Variants in NUDT9 observed in about 807,000 individuals in gnomAD.
NUDT9 encodes nudix hydrolase 9.
In NUDT9, 31 loss-of-function variants were observed where a neutral mutation model predicts 41.0. The ratio of observed to expected loss-of-function variants is 0.76; its 90% CI spans 0.57 to 1.02. The LOEUF (loss-of-function observed/expected upper bound fraction) is 1.02. Among genes scored for constraint, NUDT9 ranks in the 50% least tolerant of loss-of-function variants. The probability of loss-of-function intolerance (pLI) is 0.00; values close to 1 mark genes in which losing one functional copy is unlikely to be tolerated. For missense variants in NUDT9, 380 were observed against 431.4 expected, an observed-to-expected ratio of 0.88 and a Z score of 1.06; for synonymous variants, 146 against 147.6, an observed-to-expected ratio of 0.99 and a Z score of 0.08.
Position 87,451,650 on chromosome 4 carries a change from C to T in NUDT9, c.704C>T (p.Ala235Val). 6.2e-7 allele frequency: 1 copy of T among 1,613,532 alleles called. No individual in the cohort carries two copies. Among genetic ancestry groups the T allele is most frequent in the Non-Finnish European group, 8.5e-7 (1 of 1,179,552 alleles). ...CTGAAAAGAGAATTTGGTGAGGAAG[C>T]TCTCAACTCCTTACAGAAAACCAGT... is the stretch of plus-strand genomic sequence containing the variant. ...ATLKREFGEE[A>V]LNSLQKTSAE... Residue 235 changes from alanine (A) to valine (V), a missense_variant, in exon 6 of 8, where the codon GCT (alanine) becomes GTT (valine). Transcript: ENST00000302174.
chr4:87,441,385 TAAA>T (rs1722195050), intron 3 of NUDT9, among the ~76,000 whole-genome samples: 1 of 152,152 alleles, frequency 6.6e-6, no homozygotes, highest in Admixed American at 6.5e-5. Context: ...TTATTGATAA[TAAA>T]AATCCAGAAA....
chr4:87,453,465 C>CT (rs1325608805), intron 6 of NUDT9, among the ~76,000 whole-genome samples: 1 of 151,762 alleles, frequency 6.6e-6, no homozygotes, highest in Non-Finnish European at 1.5e-5. Flanking sequence ...GTGTCTGGCT[C>CT]TGTCACCAGG....
chr4:87,450,096 C>T (rs1254501234), intron 5 of NUDT9, among the ~76,000 whole-genome samples: 1 of 152,118 alleles, frequency 6.6e-6, no homozygotes, highest in African/African-American at 2.4e-5. Context: ...CTCCTGGCCT[C>T]AAGCAATCTG....
In NUDT9 at chr4:87,459,315, T is replaced by C. The variant is rs558334329; in HGVS notation, c.*1294T>C. 22 of 152,114 alleles carry C rather than the reference T, an allele frequency of 1.4e-4. No homozygotes were observed. In the East Asian group the frequency reaches 3.7e-3, roughly 25 times the overall value. 9.4% of individuals were successfully genotyped at this position (152,114 alleles called of 1,614,324 possible). ...GGAGGAGGGAGAGGATCAGGAAAAA[T>C]AACTAATGAGTACTAGGCTTAATAC... On this transcript the variant is annotated 3_prime_UTR_variant, in exon 8 of 8. Coordinates refer to ENST00000302174, the MANE Select transcript of NUDT9 (RefSeq NM_024047.5).
At chr4:87,432,131 G>A (rs550331078) in intron 1 of NUDT9, among the ~76,000 whole-genome samples, 61 of 152,324 alleles carry the variant, frequency 4.0e-4, no homozygotes, top group Middle Eastern at 3.4e-3. Flanking sequence ...AATACAGGTT[G>A]AGTATCCCTT....
intron 1 of NUDT9, among the ~76,000 whole-genome samples, chr4:87,429,974 C>CTG (rs1309848557): frequency 6.6e-6 from 1 of 152,224 alleles, no homozygotes; most frequent in East Asian, 1.9e-4. Flanking sequence ...TACCTGGAAC[C>CTG]TGTGTATATG....
chr4:87,431,345 G>A (rs550758649), intron 1 of NUDT9, among the ~76,000 whole-genome samples: 11 of 152,300 alleles, frequency 7.2e-5, no homozygotes, highest in African/African-American at 1.9e-4. Flanking sequence ...TGTGTAGTAA[G>A]TGTGAGACCT....
chr4:87,449,317 T>G, intron 5 of NUDT9, 64 bp downstream of exon 5: 1 of 857,190 alleles, frequency 1.2e-6, no homozygotes, highest in Admixed American at 1.9e-5. Context: ...TACAGGGTTA[T>G]TGTTTGTGAA....
At position 87,422,965 on chromosome 4, in the gene NUDT9, C is replaced by G. The variant is rs200633146; in HGVS notation, c.60C>G (p.Ala20=). 2.5e-6 allele frequency: 4 copies of G among 1,613,220 alleles called. No homozygotes were observed. The East Asian group carries it at 8.9e-5, about 36-fold the overall frequency. The part of the protein sequence containing the change: ...LAAVSLSLAL[A]SVTIRSSRCR... Reference sequence around the variant, plus strand: ...CGGTGTCTCTCTCTCTGGCCTTGGCCTCTGTGACTATCAGGTCCTCGCGCT... The same window carrying G: ...CGGTGTCTCTCTCTCTGGCCTTGGCGTCTGTGACTATCAGGTCCTCGCGCT... The change falls in exon 1 of 8, where the codon GCC becomes GCG. Residue 20 remains alanine (A), a synonymous_variant. Transcript: ENST00000302174.
At chr4:87,437,715 A>G (rs1490141897) in intron 2 of NUDT9, among the ~76,000 whole-genome samples, 1 of 152,162 alleles carries the variant, frequency 6.6e-6, no homozygotes, top group Non-Finnish European at 1.5e-5. Flanking sequence ...TCTGTAAACC[A>G]CTGCCCAGAT....
At chr4:87,452,966 C>T (rs1186868309) in intron 6 of NUDT9, among the ~76,000 whole-genome samples, 1 of 151,966 alleles carries the variant, frequency 6.6e-6, no homozygotes, top group Non-Finnish European at 1.5e-5. Flanking sequence ...CATGTGCCAC[C>T]ATGCCTGACT....
At chr4:87,442,725 A>G (rs993214123) in intron 4 of NUDT9, among the ~76,000 whole-genome samples, 20 of 152,326 alleles carry the variant, frequency 1.3e-4, no homozygotes, top group African/African-American at 4.6e-4. Flanking sequence ...CTGTTTGTTA[A>G]AAACTAAGAC....
chr4:87,431,898 C>T (rs947191646), intron 1 of NUDT9, among the ~76,000 whole-genome samples: 3 of 152,150 alleles, frequency 2.0e-5, no homozygotes, highest in Non-Finnish European at 2.9e-5. Flanking sequence ...GTTGGCCGGG[C>T]TGGTCTTGAA....
At chr4:87,447,678 A>G (rs4324526) in intron 4 of NUDT9, among the ~76,000 whole-genome samples, 51,444 of 152,008 alleles carry the variant, frequency 0.34, 9,140 homozygotes, top group East Asian at 0.47. Context: ...ACCCATAAGC[A>G]ATTCAATTTA....
intron 3 of NUDT9, among the ~76,000 whole-genome samples, chr4:87,441,109 G>T (rs539214323): frequency 8.5e-5 from 13 of 152,186 alleles, no homozygotes; most frequent in Non-Finnish European, 1.8e-4. Context: ...CTTTCATATA[G>T]TGGGAGGGCA....
intron 1 of NUDT9, among the ~76,000 whole-genome samples, chr4:87,432,812 A>G (rs968680595): frequency 5.3e-5 from 8 of 150,576 alleles, no homozygotes; most frequent in African/African-American, 1.9e-4. Flanking sequence ...ATGTTGATTG[A>G]TTTTCATTAT....
At position 87,435,143 on chromosome 4, in the gene NUDT9, G is replaced by A. The variant is rs1356139035; in HGVS notation, c.270G>A (p.Glu90=). 1 of 1,614,216 alleles carries A rather than the reference G, an allele frequency of 6.2e-7. No homozygotes were observed. Residue 90 remains glutamate, a synonymous_variant, in exon 2 of 8, where the codon GAG becomes GAA. Coordinates refer to ENST00000302174, the MANE Select transcript of NUDT9 (RefSeq NM_024047.5). The part of the protein sequence containing the change: ...VPNEKVGWLV[E]WQDYKPVEYT... ...ATGAGAAAGTGGGCTGGCTTGTTGA[G>A]TGGCAAGACTATAAGCCTGTGGAAT... is the stretch of plus-strand genomic sequence containing the variant.
chr4:87,457,854 G>T lies in NUDT9; in HGVS notation c.886G>T (p.Asp296Tyr). Residue 296 changes from aspartate to tyrosine, a missense_variant, in exon 8 of 8, where the codon GAT becomes TAT. Asp to Tyr is a radical substitution (Grantham distance 160). Coordinates refer to ENST00000302174, the MANE Select transcript of NUDT9 (RefSeq NM_024047.5). ...NYHDETGEIM[D>Y]NLMLEAGDDA... ...TCTTTGGCAACCAGGTGAGATAATG[G>T]ATAATCTTATGCTAGAAGCTGGAGA... 6.2e-7 allele frequency: 1 copy of T among 1,610,902 alleles called. No individual in the cohort carries two copies. Among genetic ancestry groups the T allele is most frequent in the Non-Finnish European group, 8.5e-7 (1 of 1,178,900 alleles).
intron 1 of NUDT9, among the ~76,000 whole-genome samples, chr4:87,427,951 G>A (rs1721506632): frequency 6.6e-6 from 1 of 152,138 alleles, no homozygotes; most frequent in African/African-American, 2.4e-5. Flanking sequence ...GTGAGTGAGG[G>A]AGACTTTATT....
Sources: gnomAD v4.1 joint callset for allele counts (sites outside exome capture counted in the v4.1 genomes callset) on GRCh38, gnomAD v4.1.1 for gene constraint, MANE v1.5 for transcripts, NCBI Gene and HGNC (gene_info 2026-07-23, HGNC 2026-07-21) for gene names.